TNPO1: variants seen among roughly 807,000 people sequenced by gnomAD.
TNPO1 encodes the protein transportin-1.
TNPO1 carries 8 observed loss-of-function variants against 119.5 expected under a neutral mutation model. The observed-to-expected ratio is 0.07, with a 90% CI of 0.04 to 0.12. TNPO1 has a LOEUF of 0.12. TNPO1 is among the 10% of genes least tolerant of loss of function. The pLI, the probability that TNPO1 is intolerant of heterozygous loss-of-function variation, is 1.00. For missense variants in TNPO1, 576 were observed against 1,089.8 expected, an observed-to-expected ratio of 0.53 and a Z score of 6.64; for synonymous variants, 362 against 363.0, an observed-to-expected ratio of 1.00 and a Z score of 0.03.
intron 1 of TNPO1, among the ~76,000 whole-genome samples, chr5:72,828,659 G>C (rs1019370459): frequency 1.3e-5 from 2 of 152,040 alleles, no homozygotes; most frequent in African/African-American, 4.8e-5. Context: ...GCAAATTCAG[G>C]ATATTTAGTT....
chr5:72,889,475 C>T (rs892594415), intron 13 of TNPO1, among the ~76,000 whole-genome samples: 7 of 151,566 alleles, frequency 4.6e-5, no homozygotes, highest in Non-Finnish European at 5.9e-5. Context: ...TTCAGTACCT[C>T]GGTTTTTTTT....
At chr5:72,852,764 A>G (rs2161606) in intron 3 of TNPO1, among the ~76,000 whole-genome samples, 1 of 152,186 alleles carries the variant, frequency 6.6e-6, no homozygotes, top group Non-Finnish European at 1.5e-5. Context: ...TTGATTTTGT[A>G]GTTAATTTGG....
Position 72,903,741 on chromosome 5 carries a change from A to G in TNPO1, c.2547A>G (p.Ser849=), listed in dbSNP as rs142556365. The part of the protein sequence containing the change: ...DFIFFCDAVA[S]WINPKDDLRD... ...TATTTTTTTGTGATGCCGTTGCATC[A>G]TGGATTAACCCAAAAGATGATCTCA... Residue 849 remains serine, a synonymous_variant, in exon 23 of 25, where the codon TCA becomes TCG. Coordinates refer to ENST00000337273, the MANE Select transcript of TNPO1 (RefSeq NM_002270.4). 2.9e-5 allele frequency: 46 copies of G among 1,608,284 alleles called. No individual in the cohort carries two copies. The African/African-American group carries it at 5.5e-4, about 19-fold the overall frequency.
In TNPO1 at chr5:72,912,470, G is replaced by C. The variant is rs924433257; in HGVS notation, c.*3797G>C. On this transcript the variant is annotated 3_prime_UTR_variant, in exon 25 of 25. Coordinates refer to ENST00000337273, the MANE Select transcript of TNPO1 (RefSeq NM_002270.4). ...AGTTTTATCTCAGGTGAATACTCTT[G>C]TATTGTTTTTGCTTTGGTGACATGC... 11 of 152,400 alleles carry C rather than the reference G, an allele frequency of 7.2e-5. No individual in the cohort carries two copies. The highest frequency in any genetic ancestry group is 7.2e-4 in the Admixed American group (11 of 15,264). The allele number at this position is 152,400 out of a possible 1,614,324, so 9.4% of individuals were successfully genotyped here.
At chr5:72,852,124 A>G (rs933278028) in intron 3 of TNPO1, among the ~76,000 whole-genome samples, 5 of 152,316 alleles carry the variant, frequency 3.3e-5, no homozygotes, top group South Asian at 2.1e-4. Context: ...GGATCATTCT[A>G]TTGATAAGTA....
intron 11 of TNPO1, 21 bp downstream of exon 11, chr5:72,883,253 C>T (rs754623748): frequency 8.8e-7 from 1 of 1,136,552 alleles, no homozygotes; most frequent in Non-Finnish European, 1.3e-6. Flanking sequence ...AAGGGAAAAG[C>T]ACAGTTGCCT....
intron 22 of TNPO1, among the ~76,000 whole-genome samples, chr5:72,902,743 C>G (rs1749885993): frequency 1.3e-5 from 2 of 151,846 alleles, no homozygotes; most frequent in African/African-American, 2.4e-5. Flanking sequence ...ATTCACATAC[C>G]TTATTTTGGA....
At chr5:72,858,867 AGTTTTGTTGTT>A (rs1746207906) in intron 4 of TNPO1, among the ~76,000 whole-genome samples, 1 of 151,402 alleles carries the variant, frequency 6.6e-6, no homozygotes, top group South Asian at 2.1e-4. Context: ...AGTATTTTAT[AGTTTTGTTGTT>A]GTTTTGTTTG....
At chr5:72,891,940 G>C (rs746642148) in intron 15 of TNPO1, 44 bp downstream of exon 15, 1 of 1,470,654 alleles carries the variant, frequency 6.8e-7, no homozygotes, top group South Asian at 1.2e-5. Flanking sequence ...AAGAACACAT[G>C]TTCAAATCCA....
rs756319527 is a variant in TNPO1 at position 72,911,284 on chromosome 5, CTA to C, written c.*2613_*2614del. 1.3e-5 allele frequency: 2 copies of C among 151,246 alleles called. No homozygotes were observed. Among genetic ancestry groups the C allele is most frequent in the Non-Finnish European group, 2.9e-5 (2 of 67,808 alleles). 9.4% of individuals were successfully genotyped at this position (151,246 alleles called of 1,614,324 possible). A position where few individuals can be genotyped will look rare whatever the true frequency, so the allele number is the denominator to read the frequency against. Reference sequence around the variant, plus strand: ...TTTCCAGTTAGGCAGATGAATAACACTATTAAAAATGCACCCAGTTTTGTAGT... The same window carrying C: ...TTTCCAGTTAGGCAGATGAATAACACTTAAAAATGCACCCAGTTTTGTAGT... On this transcript the variant is annotated 3_prime_UTR_variant, in exon 25 of 25. Transcript: ENST00000337273.
chr5:72,824,357 T>TA (rs1402762589), intron 1 of TNPO1, among the ~76,000 whole-genome samples: 1 of 152,258 alleles, frequency 6.6e-6, no homozygotes, highest in Non-Finnish European at 1.5e-5. Context: ...AATAGTTGTC[T>TA]GTACTTGCTA....
intron 2 of TNPO1, among the ~76,000 whole-genome samples, chr5:72,850,914 CCTTT>C (rs1192757980): frequency 1.3e-5 from 2 of 151,914 alleles, no homozygotes; most frequent in Non-Finnish European, 2.9e-5. Flanking sequence ...TGCTTAAATA[CCTTT>C]CTATTTAGAA....
At chr5:72,879,877 T>TA (rs1748099572) in intron 9 of TNPO1, among the ~76,000 whole-genome samples, 1 of 152,156 alleles carries the variant, frequency 6.6e-6, no homozygotes, top group African/African-American at 2.4e-5. Flanking sequence ...CACTCATAAA[T>TA]ATAAACTCAT....
intron 2 of TNPO1, among the ~76,000 whole-genome samples, chr5:72,848,784 G>C (rs1745304776): frequency 6.7e-6 from 1 of 148,312 alleles, no homozygotes; most frequent in South Asian, 2.1e-4. Flanking sequence ...CCGCCGCCCG[G>C]GATCGCGACA....
intron 1 of TNPO1, 158 bp from the exon 2 acceptor site, chr5:72,848,227 A>G: frequency 4.8e-6 from 6 of 1,254,738 alleles, no homozygotes; most frequent in Non-Finnish European, 6.0e-6. Flanking sequence ...ACTGTCCGTG[A>G]CTTCCTTCGG....
At chr5:72,877,788 A>G (rs1747912668) in intron 9 of TNPO1, among the ~76,000 whole-genome samples, 1 of 152,164 alleles carries the variant, frequency 6.6e-6, no homozygotes, top group Non-Finnish European at 1.5e-5. Flanking sequence ...GGAAAAAACT[A>G]AATTGCAGAA....
intron 7 of TNPO1, among the ~76,000 whole-genome samples, chr5:72,873,431 C>T (rs1364191588): frequency 2.6e-5 from 4 of 152,018 alleles, no homozygotes; most frequent in Admixed American, 2.0e-4. Context: ...GGGGGGGTTA[C>T]GTTACTTTTT....
At chr5:72,902,396 T>C (rs1416572328) in intron 22 of TNPO1, among the ~76,000 whole-genome samples, 1 of 152,146 alleles carries the variant, frequency 6.6e-6, no homozygotes, top group Non-Finnish European at 1.5e-5. Flanking sequence ...AATTAGAAAA[T>C]AACTTCTGAC....
chr5:72,875,818 G>T, intron 8 of TNPO1, 81 bp downstream of exon 8: 1 of 1,439,740 alleles, frequency 6.9e-7, no homozygotes, highest in Non-Finnish European at 9.5e-7. Flanking sequence ...ATACCGGATG[G>T]GAAGGGGACT....
Sources: gnomAD v4.1 joint callset for allele counts (sites outside exome capture counted in the v4.1 genomes callset) on GRCh38, gnomAD v4.1.1 for gene constraint, MANE v1.5 for transcripts, NCBI Gene and HGNC (gene_info 2026-07-23, HGNC 2026-07-21) for gene names.